MEGF9: variants seen among roughly 807,000 people sequenced by gnomAD.
The protein encoded by MEGF9 is multiple epidermal growth factor-like domains protein 9.
Under a neutral mutation model 46.8 loss-of-function variants are expected in MEGF9, and 6 were observed. The ratio of observed to expected loss-of-function variants is 0.13; its 90% CI spans 0.07 to 0.25. The LOEUF is 0.25. Among genes scored for constraint, MEGF9 ranks in the 10% least tolerant of loss-of-function variants. The probability of loss-of-function intolerance (pLI) is 1.00; values close to 1 mark genes in which losing one functional copy is unlikely to be tolerated. For missense variants in MEGF9, 683 were observed against 792.4 expected, an observed-to-expected ratio of 0.86 and a Z score of 1.66; for synonymous variants, 302 against 330.7, an observed-to-expected ratio of 0.91 and a Z score of 0.94.
chr9:120,701,399 C>T (rs932415357), intron 1 of MEGF9, among the ~76,000 whole-genome samples: 3 of 152,208 alleles, frequency 2.0e-5, no homozygotes, highest in Non-Finnish European at 4.4e-5. Flanking sequence ...ATTCTCCAGC[C>T]AGGCTGACAA....
intron 2 of MEGF9, among the ~76,000 whole-genome samples, chr9:120,625,853 A>AAAAAG (rs2043523008): frequency 3.8e-5 from 4 of 106,064 alleles, no homozygotes; most frequent in African/African-American, 1.4e-4. Flanking sequence ...AAAAAAAAAA[A>AAAAAG]AAAGAAAGAA....
In MEGF9 at chr9:120,681,000, C is replaced by A. The variant is rs189657982; in HGVS notation, c.602-21425G>T. ...GGCCTAGGCTCCCTAGAGTCAGGGA[C>A]CTCAAGAGCCCATTTATTGCTCTAT... On this transcript the variant is annotated intron_variant, in intron 1 of 5. Coordinates refer to ENST00000373930, the MANE Select transcript of MEGF9 (RefSeq NM_001080497.3). Among the ~76,000 whole-genome samples, 3 of 152,208 alleles carry A rather than the reference C, an allele frequency of 2.0e-5. 1 individual carries two copies. Among genetic ancestry groups the A allele is most frequent in the Admixed American group, 2.0e-4 (3 of 15,296 alleles).
At chr9:120,663,441 T>C (rs989342792) in intron 1 of MEGF9, among the ~76,000 whole-genome samples, 6 of 152,206 alleles carry the variant, frequency 3.9e-5, no homozygotes, top group Non-Finnish European at 7.3e-5. Flanking sequence ...AGATAGGAGT[T>C]AATGCAGAAA....
chr9:120,653,016 A>C (rs1281204289), intron 2 of MEGF9, among the ~76,000 whole-genome samples: 2 of 152,314 alleles, frequency 1.3e-5, no homozygotes, highest in African/African-American at 4.8e-5. Context: ...AAGTCTACCA[A>C]TTTCAAATTC....
At chr9:120,617,360 T>C (rs980079942) in intron 3 of MEGF9, among the ~76,000 whole-genome samples, 2 of 152,242 alleles carry the variant, frequency 1.3e-5, no homozygotes, top group Non-Finnish European at 2.9e-5. Flanking sequence ...CATTTATATA[T>C]AAACCTATCT....
chr9:120,711,107 C>T (rs7023812), intron 1 of MEGF9, among the ~76,000 whole-genome samples: 8,867 of 152,216 alleles, frequency 0.058, 856 homozygotes, highest in African/African-American at 0.2. Flanking sequence ...GCAGTGTATA[C>T]TGAATTGGAT....
intron 1 of MEGF9, among the ~76,000 whole-genome samples, chr9:120,707,349 C>T (rs2043933443): frequency 6.6e-6 from 1 of 152,136 alleles, no homozygotes; most frequent in South Asian, 2.1e-4. Context: ...GGCAACAAAA[C>T]CTGACCTGAG....
chr9:120,636,029 A>T (rs2043572701), intron 2 of MEGF9, among the ~76,000 whole-genome samples: 1 of 152,110 alleles, frequency 6.6e-6, no homozygotes, highest in Non-Finnish European at 1.5e-5. Flanking sequence ...CTGTCTCCCA[A>T]GTTCAAGCGA....
At chr9:120,607,610 C>G in intron 5 of MEGF9, 131 bp downstream of exon 5, 4 of 999,546 alleles carry the variant, frequency 4.0e-6, no homozygotes, top group Non-Finnish European at 5.9e-6. Context: ...AAGGAAACCT[C>G]TTTAGGCAAA....
chr9:120,646,140 G>A lies in MEGF9; in HGVS notation c.803+13234C>T, dbSNP rs533905078. Among the ~76,000 whole-genome samples, 24 of 152,144 alleles carry A rather than the reference G, an allele frequency of 1.6e-4. No homozygotes were observed. In the East Asian group the frequency reaches 2.9e-3, roughly 18 times the overall value. The stretch of plus-strand genomic sequence containing the variant: ...TGCACAGAAACATGGCTGTCATGGC[G>A]TATCACCCTTCTGACTCTTCTGACT... On this transcript the variant is annotated intron_variant, in intron 2 of 5. Transcript: ENST00000373930.
intron 1 of MEGF9, among the ~76,000 whole-genome samples, chr9:120,708,596 C>A (rs1252592678): frequency 3.3e-5 from 5 of 152,128 alleles, no homozygotes; most frequent in Admixed American, 3.3e-4. Context: ...CTGAAAGAGA[C>A]CCTTTAAAAC....
intron 2 of MEGF9, among the ~76,000 whole-genome samples, chr9:120,633,960 T>C (rs1438659811): frequency 6.6e-6 from 1 of 152,226 alleles, no homozygotes; most frequent in Non-Finnish European, 1.5e-5. Flanking sequence ...TGATATAATA[T>C]TAATTCTTTT....
intron 2 of MEGF9, among the ~76,000 whole-genome samples, chr9:120,633,132 T>A (rs2043557983): frequency 1.3e-5 from 2 of 152,210 alleles, no homozygotes; most frequent in Non-Finnish European, 2.9e-5. Context: ...AATTCCCTTC[T>A]CTTTGATTTT....
chr9:120,660,788 T>C (rs897864261), intron 1 of MEGF9, among the ~76,000 whole-genome samples: 2 of 152,208 alleles, frequency 1.3e-5, no homozygotes, highest in African/African-American at 2.4e-5. Flanking sequence ...ATCCTAGGAA[T>C]AGGTCCCATT....
intron 1 of MEGF9, among the ~76,000 whole-genome samples, chr9:120,701,518 T>C (rs2043904881): frequency 6.6e-6 from 1 of 152,172 alleles, no homozygotes; most frequent in African/African-American, 2.4e-5. Context: ...TGGCAAGGTA[T>C]CATATAGAAC....
intron 2 of MEGF9, among the ~76,000 whole-genome samples, chr9:120,632,918 C>A (rs2043557041): frequency 6.6e-6 from 1 of 152,034 alleles, no homozygotes; most frequent in Non-Finnish European, 1.5e-5. Flanking sequence ...GTTGAACCAC[C>A]CTTGCATCCC....
intron 2 of MEGF9, among the ~76,000 whole-genome samples, chr9:120,625,296 T>C (rs995729661): frequency 3.3e-5 from 5 of 152,230 alleles, no homozygotes; most frequent in African/African-American, 1.2e-4. Flanking sequence ...GAGCCAGCTG[T>C]GCAGGAGACC....
chr9:120,631,177 A>G (rs1466053358), intron 2 of MEGF9, among the ~76,000 whole-genome samples: 1 of 152,186 alleles, frequency 6.6e-6, no homozygotes, highest in Non-Finnish European at 1.5e-5. Context: ...ATAAAGGTCT[A>G]GTTTCATTTT....
chr9:120,702,194 T>C lies in MEGF9; in HGVS notation c.601+11564A>G, dbSNP rs568515000. Among the ~76,000 whole-genome samples the C allele has an allele frequency of 3.3e-5, 5 of 152,340 alleles. No homozygotes were observed. In the South Asian group the frequency reaches 1.0e-3, roughly 32 times the overall value. On this transcript the variant is annotated intron_variant, in intron 1 of 5. Transcript: ENST00000373930. ...AATCTTAGATATGTCATTCCTACTG[T>C]ATGTTCAAGATTTGTCAGTCTGCAT...
Sources: allele counts gnomAD v4.1 joint callset (sites outside exome capture counted in the v4.1 genomes callset), GRCh38; gene constraint gnomAD v4.1.1; transcripts MANE v1.5; gene names NCBI Gene and HGNC (gene_info 2026-07-23, HGNC 2026-07-21).